The following GRIK2 variants were observed in gnomAD, a reference collection of about 807,000 sequenced individuals.
GRIK2 encodes the protein glutamate receptor ionotropic, kainate 2.
In GRIK2, 32 loss-of-function variants were observed where a neutral mutation model predicts 100.3. The ratio of observed to expected loss-of-function variants is 0.32; its 90% confidence interval spans 0.24 to 0.43. The LOEUF (loss-of-function observed/expected upper bound fraction) is 0.43. Among genes scored for constraint, GRIK2 ranks in the 20% least tolerant of loss-of-function variants. The pLI is 1.00. For synonymous variants in GRIK2, 417 were observed against 389.4 expected, an observed-to-expected ratio of 1.07 and a Z score of -0.83; for missense variants, 843 against 1,114.9, an observed-to-expected ratio of 0.76 and a Z score of 3.47.
rs776240733 is a variant in GRIK2 at position 101,802,381 on chromosome 6, C to T, written c.1146C>T (p.Gly382=). The T allele has an allele frequency of 2.5e-6, 4 of 1,592,980 alleles. No homozygotes were observed. Residue 382 remains glycine, a synonymous_variant, in exon 9 of 17, where the codon GGC becomes GGT. Transcript: ENST00000369134. ...GAATAACTTTCAACAAAACCAATGGCTTGAGAACAGATTTTGATTTGGATG... is the reference window on the plus strand; with the variant it reads ...GAATAACTTTCAACAAAACCAATGGTTTGAGAACAGATTTTGATTTGGATG... ...TGRITFNKTN[G]LRTDFDLDVI... is the part of the protein sequence containing the mutation.
At chr6:101,526,960 A>G (rs1449192594) in intron 2 of GRIK2, among the ~76,000 whole-genome samples, 2 of 152,198 alleles carry the variant, frequency 1.3e-5, no homozygotes, top group Non-Finnish European at 2.9e-5. Flanking sequence ...ACGGGTGTAC[A>G]TCAGTGTCAC....
rs1315524835 is a variant in GRIK2, at chr6:102,006,390, A to ATATATTTTTTTT, written c.2086-28950_2086-28949insATATTTTTTTTT. ...CTTTTATATATATATATATATATAT[A>ATATATTTTTTTT]TTTTTTTTTTTTTTGAGACATACAG... On this transcript the variant is annotated intron_variant, in intron 14 of 16. Coordinates refer to ENST00000369134, the MANE Select transcript of GRIK2 (RefSeq NM_021956.5). 2.6e-3 allele frequency among the ~76,000 whole-genome samples: 293 copies of ATATATTTTTTTT among 114,036 alleles called. 7 individuals are homozygous for ATATATTTTTTTT. Among genetic ancestry groups the ATATATTTTTTTT allele is most frequent in the African/African-American group, 0.013 (278 of 21,854 alleles). 74.8% of individuals were successfully genotyped at this position (114,036 alleles called of 152,430 possible). A position where few individuals can be genotyped will look rare whatever the true frequency, so the allele number is the denominator to read the frequency against.
At position 101,423,019 on chromosome 6, in the gene GRIK2, T is replaced by A. The variant is rs570807128; in HGVS notation, c.115+23627T>A. ...TACCACATGGGATGCAGATGGGCTG[T>A]GCACTTTAGCACATGCTGAAATATA... On this transcript the variant is annotated intron_variant, in intron 2 of 16. Transcript: ENST00000369134. Among the ~76,000 whole-genome samples the A allele has an allele frequency of 7.2e-5, 11 of 152,344 alleles. No homozygotes were observed. In the East Asian group the frequency reaches 1.9e-3, roughly 27 times the overall value.
chr6:101,792,802 T>G (rs1419997131), intron 7 of GRIK2, among the ~76,000 whole-genome samples: 1 of 152,124 alleles, frequency 6.6e-6, no homozygotes, highest in Non-Finnish European at 1.5e-5. Flanking sequence ...CTGCAGAGTT[T>G]TTTCCAACTT....
At chr6:101,656,486 A>G (rs1252508919) in intron 4 of GRIK2, among the ~76,000 whole-genome samples, 1 of 152,132 alleles carries the variant, frequency 6.6e-6, no homozygotes, top group Non-Finnish European at 1.5e-5. Context: ...ATTTCAGCAA[A>G]TAGGATAATT....
intron 11 of GRIK2, among the ~76,000 whole-genome samples, chr6:101,887,030 A>T (rs906670914): frequency 6.6e-6 from 1 of 150,960 alleles, no homozygotes; most frequent in Admixed American, 6.6e-5. Flanking sequence ...GAGTTTCACC[A>T]TGTTGGCCAG....
chr6:102,064,209 TCTTTCTCTTTCTTCTTCCCTCCAG>T (rs1458543327), intron 16 of GRIK2, among the ~76,000 whole-genome samples: 1 of 150,814 alleles, frequency 6.6e-6, no homozygotes, highest in East Asian at 1.9e-4. Flanking sequence ...AAGATAGTTG[TCTTTCTCTTTCTTCTTCCCTCCAG>T]CTTTCCCTTT....
intron 2 of GRIK2, among the ~76,000 whole-genome samples, chr6:101,598,441 T>G (rs990007158): frequency 6.6e-6 from 1 of 151,562 alleles, no homozygotes; most frequent in Non-Finnish European, 1.5e-5. Context: ...AAAACTTACT[T>G]TTCTTTTCCC....
chr6:101,605,350 G>A (rs1779395457), intron 2 of GRIK2, among the ~76,000 whole-genome samples: 2 of 151,940 alleles, frequency 1.3e-5, no homozygotes, highest in African/African-American at 4.8e-5. Flanking sequence ...ATTACCAAGT[G>A]CTCTGGATTC....
chr6:102,064,416 T>TTCTTTCTC lies in GRIK2; in HGVS notation c.2563-3924_2563-3923insCTCTTTCT, dbSNP rs1314748540. ...CTCTCTCTCTCTCTCCCTCCCTCCT[T>TTCTTTCTC]TCTTTCTTTCTCTCTTTCTCTGTCC... On this transcript the variant is annotated intron_variant, in intron 16 of 16. Transcript: ENST00000369134. 1.7e-3 allele frequency among the ~76,000 whole-genome samples: 246 copies of TTCTTTCTC among 148,106 alleles called. 2 individuals carry two copies. The highest frequency in any genetic ancestry group is 0.016 in the Admixed American group (230 of 14,686).
chr6:101,704,404 A>G (rs548576436), intron 7 of GRIK2, among the ~76,000 whole-genome samples: 1 of 151,770 alleles, frequency 6.6e-6, no homozygotes, highest in South Asian at 2.1e-4. Flanking sequence ...CTGGGAGGAT[A>G]GGGGATTTGT....
chr6:101,935,912 A>C (rs1324912108), intron 14 of GRIK2, among the ~76,000 whole-genome samples: 1 of 152,010 alleles, frequency 6.6e-6, no homozygotes, highest in East Asian at 1.9e-4. Context: ...TGGAAGATGA[A>C]ATACCTAATA....
Position 101,452,249 on chromosome 6 carries a change from G to A in GRIK2, c.115+52857G>A, listed in dbSNP as rs117391317. ...GATAATCAGCATAGTATGGTTCCTT[G>A]ATTTAATTAAAGATTAGAGTCCTTT... On this transcript the variant is annotated intron_variant, in intron 2 of 16. Coordinates refer to ENST00000369134, the MANE Select transcript of GRIK2 (RefSeq NM_021956.5). Among the ~76,000 whole-genome samples the A allele has an allele frequency of 1.5e-3, 222 of 151,786 alleles. 5 individuals carry two copies. The East Asian group carries it at 0.037, about 26-fold the overall frequency.
intron 14 of GRIK2, among the ~76,000 whole-genome samples, chr6:101,931,934 A>AC (rs984205906): frequency 1.3e-5 from 2 of 151,984 alleles, no homozygotes; most frequent in African/African-American, 2.4e-5. Context: ...CTGAAGTTTC[A>AC]CCCCCGGGCT....
chr6:101,759,419 A>T (rs1234045258), intron 7 of GRIK2, among the ~76,000 whole-genome samples: 1 of 152,194 alleles, frequency 6.6e-6, no homozygotes, highest in Non-Finnish European at 1.5e-5. Flanking sequence ...TGCATAACAA[A>T]ACAGCAGCAA....
intron 2 of GRIK2, among the ~76,000 whole-genome samples, chr6:101,594,662 C>A (rs1454043820): frequency 6.6e-6 from 1 of 151,654 alleles, no homozygotes; most frequent in East Asian, 1.9e-4. Context: ...AAATTGGTGA[C>A]AAGTTGGCTC....
At position 101,783,995 on chromosome 6, in the gene GRIK2, T is replaced by G. The variant is rs1779266793; in HGVS notation, c.952-15653T>G. Reference sequence around the variant, plus strand: ...AAAATGGAAGCAGAGCATAAAGGTTTGGGAAATTTGCAACTTGACCATGTG... The same window carrying G: ...AAAATGGAAGCAGAGCATAAAGGTTGGGGAAATTTGCAACTTGACCATGTG... On this transcript the variant is annotated intron_variant, in intron 7 of 16. Transcript: ENST00000369134. Among the ~76,000 whole-genome samples the G allele has an allele frequency of 3.9e-5, 6 of 152,332 alleles. No homozygotes were observed. In the South Asian group the frequency reaches 1.2e-3, roughly 32 times the overall value.
intron 7 of GRIK2, among the ~76,000 whole-genome samples, chr6:101,753,729 T>C (rs1207211851): frequency 6.6e-6 from 1 of 152,104 alleles, no homozygotes; most frequent in African/African-American, 2.4e-5. Context: ...TGCTGCATGA[T>C]AATTGATAGT....
chr6:102,068,680 T>G lies in GRIK2; in HGVS notation c.*169T>G. On this transcript the variant is annotated 3_prime_UTR_variant, in exon 17 of 17. Transcript: ENST00000369134. ...ATCTAAGCAGTTGCAATGATCAGACTTGATTTACAAGCATCATGGATCAAC... is the reference window on the plus strand; with the variant it reads ...ATCTAAGCAGTTGCAATGATCAGACGTGATTTACAAGCATCATGGATCAAC... The G allele has an allele frequency of 1.7e-6, 1 of 588,756 alleles. No homozygotes were observed. The highest frequency in any genetic ancestry group is 3.1e-5 in the Admixed American group (1 of 31,748). 36.5% of individuals were successfully genotyped at this position (588,756 alleles called of 1,614,324 possible). A position where few individuals can be genotyped will look rare whatever the true frequency, so the allele number is the denominator to read the frequency against.
Sources: gnomAD v4.1 joint callset for allele counts (sites outside exome capture counted in the v4.1 genomes callset) on GRCh38, gnomAD v4.1.1 for gene constraint, MANE v1.5 for transcripts, NCBI Gene and HGNC (gene_info 2026-07-23, HGNC 2026-07-21) for gene names.